Variants in AXDND1 observed in about 807,000 individuals in gnomAD.
AXDND1 encodes axonemal dynein light chain domain-containing protein 1.
In AXDND1, 110 loss-of-function variants were observed where a neutral mutation model predicts 137.5. The ratio of observed to expected loss-of-function variants is 0.80; its 90% CI spans 0.69 to 0.94. The LOEUF is 0.94. Among genes scored for constraint, AXDND1 ranks in the 40% least tolerant of loss-of-function variants. AXDND1 has a pLI of 0.00. For synonymous variants in AXDND1, 414 were observed against 399.7 expected, an observed-to-expected ratio of 1.04 and a Z score of -0.43; for missense variants, 1,191 against 1,169.8, an observed-to-expected ratio of 1.02 and a Z score of -0.26.
intron 17 of AXDND1, among the ~76,000 whole-genome samples, chr1:179,473,490 C>T (rs1664223170): frequency 6.6e-6 from 1 of 152,046 alleles, no homozygotes; most frequent in South Asian, 2.1e-4. Flanking sequence ...AGCAGTGAAA[C>T]TCTGTCTCAA....
At chr1:179,388,972 G>A (rs1649662839) in intron 9 of AXDND1, among the ~76,000 whole-genome samples, 2 of 90,298 alleles carry the variant, frequency 2.2e-5, no homozygotes, top group South Asian at 4.4e-4. Context: ...TTCATTTTTA[G>A]ATTCTTTTTT....
Position 179,407,230 on chromosome 1 carries a change from C to CT in AXDND1, c.1110-3905dup, listed in dbSNP as rs1264397210. On this transcript the variant is annotated intron_variant, in intron 11 of 25. Coordinates refer to ENST00000367618, the MANE Select transcript of AXDND1 (RefSeq NM_144696.6). Reference sequence around the variant, plus strand: ...TTGGCTAGCAGGGTTTTTTTTCTTTCTTTTTTTTTTTGTTTTGAGATGGAG... The same window carrying CT: ...TTGGCTAGCAGGGTTTTTTTTCTTTCTTTTTTTTTTTTGTTTTGAGATGGAG... Among the ~76,000 whole-genome samples the CT allele has an allele frequency of 5.4e-3, 779 of 144,172 alleles. 8 individuals are homozygous for CT. The highest frequency in any genetic ancestry group is 0.017 in the African/African-American group (665 of 39,590). The allele number at this position is 144,172 out of a possible 152,430, so 94.6% of individuals were successfully genotyped here.
chr1:179,448,088 T>G, intron 16 of AXDND1: 2 of 1,033,890 alleles, frequency 1.9e-6, no homozygotes, highest in Non-Finnish European at 3.0e-6. Context: ...TTCTGCATCA[T>G]ATTATCAAAT....
chr1:179,406,462 G>T (rs921992038), intron 11 of AXDND1, among the ~76,000 whole-genome samples: 2 of 151,866 alleles, frequency 1.3e-5, no homozygotes, highest in Non-Finnish European at 2.9e-5. Context: ...GGTTTTGAAG[G>T]CCCCAACCAT....
At chr1:179,428,630 TCA>T (rs1279665705) in intron 12 of AXDND1, among the ~76,000 whole-genome samples, 1 of 152,242 alleles carries the variant, frequency 6.6e-6, no homozygotes, top group African/African-American at 2.4e-5. Context: ...TTTTTCATTC[TCA>T]TTCTTTTATT....
chr1:179,468,532 G>T lies in AXDND1; in HGVS notation c.1888G>T (p.Glu630Ter). ...ENLEFPDTPL[E>*]EWQEIDEKIN... Reference sequence around the variant, plus strand: ...CCTGGAGTTTCCTGATACGCCTCTTGAAGAATGGCAGGAAATAGATGAAAA... The same window carrying T: ...CCTGGAGTTTCCTGATACGCCTCTTTAAGAATGGCAGGAAATAGATGAAAA... Residue 630 changes from glutamate to a stop codon, truncating the protein, a stop_gained, in exon 17 of 26, where the codon GAA (glutamate) becomes TAA (stop). Coordinates refer to ENST00000367618, the MANE Select transcript of AXDND1 (RefSeq NM_144696.6). LOFTEE classifies it high-confidence loss of function. The T allele has an allele frequency of 6.2e-7, 1 of 1,612,840 alleles. No homozygotes were observed. The highest frequency in any genetic ancestry group is 8.5e-7 in the Non-Finnish European group (1 of 1,179,404).
intron 23 of AXDND1, among the ~76,000 whole-genome samples, chr1:179,530,060 C>T (rs530582334): frequency 6.6e-6 from 1 of 152,082 alleles, no homozygotes; most frequent in South Asian, 2.1e-4. Context: ...ACAGAGTCTT[C>T]GCACTGTCAC....
chr1:179,429,021 A>G (rs1421121365), intron 12 of AXDND1, among the ~76,000 whole-genome samples: 1 of 151,930 alleles, frequency 6.6e-6, no homozygotes, highest in Non-Finnish European at 1.5e-5. Flanking sequence ...ACTAAAAATA[A>G]AAAACATTAG....
At chr1:179,428,798 C>A (rs11802862) in intron 12 of AXDND1, among the ~76,000 whole-genome samples, 44,670 of 151,996 alleles carry the variant, frequency 0.29, 6,779 homozygotes, top group Non-Finnish European at 0.31. Flanking sequence ...TAATTTAACA[C>A]AATTTTTAAA....
At chr1:179,449,627 G>A (rs1660247760) in intron 16 of AXDND1, 1 of 152,088 alleles carries the variant, frequency 6.6e-6, no homozygotes, top group Non-Finnish European at 1.5e-5. Context: ...ACAATGTTAA[G>A]TCTTCCAATC....
intron 7 of AXDND1, 58 bp downstream of exon 7, chr1:179,382,814 A>G (rs1392539297): frequency 1.5e-5 from 20 of 1,315,224 alleles, no homozygotes; most frequent in Non-Finnish European, 2.0e-5. Context: ...ATACATACAC[A>G]TTTCTTGGTA....
chr1:179,500,965 C>T (rs1169727270), intron 20 of AXDND1, among the ~76,000 whole-genome samples: 4 of 152,182 alleles, frequency 2.6e-5, no homozygotes, highest in Admixed American at 2.6e-4. Flanking sequence ...AGCCACCATG[C>T]CTGGCTGAAT....
At chr1:179,408,313 TC>T (rs35153134) in intron 11 of AXDND1, among the ~76,000 whole-genome samples, 1 of 152,186 alleles carries the variant, frequency 6.6e-6, no homozygotes, top group African/African-American at 2.4e-5. Context: ...TTTTCATGTT[TC>T]CTATGTTCTT....
intron 7 of AXDND1, among the ~76,000 whole-genome samples, 190 bp from the exon 8 acceptor site, chr1:179,383,251 CA>C (rs1487616402): frequency 1.3e-5 from 2 of 152,062 alleles, no homozygotes; most frequent in African/African-American, 4.8e-5. Flanking sequence ...ATACTATTTG[CA>C]TTTTTCTTCC....
intron 11 of AXDND1, 100 bp downstream of exon 11, chr1:179,395,302 A>G (rs1266674338): frequency 3.4e-6 from 3 of 886,370 alleles, no homozygotes; most frequent in Non-Finnish European, 3.5e-6. Flanking sequence ...CTTGAATTCT[A>G]AAATCACATA....
chr1:179,393,194 A>G (rs1382877781), intron 9 of AXDND1, among the ~76,000 whole-genome samples: 1 of 152,122 alleles, frequency 6.6e-6, no homozygotes, highest in African/African-American at 2.4e-5. Context: ...TGGCTTGCCA[A>G]TTATCCCAGC....
At chr1:179,536,369 A>G (rs894208189) in intron 25 of AXDND1, among the ~76,000 whole-genome samples, 1 of 152,168 alleles carries the variant, frequency 6.6e-6, no homozygotes, top group Non-Finnish European at 1.5e-5. Context: ...TCTTTAATCC[A>G]TCTTGAGTTA....
intron 6 of AXDND1, among the ~76,000 whole-genome samples, chr1:179,380,381 T>A (rs534731366): frequency 2.5e-4 from 38 of 152,370 alleles, no homozygotes; most frequent in African/African-American, 9.1e-4. Flanking sequence ...TTGAATTTTT[T>A]AAAAAATGGA....
At chr1:179,377,645 CA>C (rs1490613970) in intron 4 of AXDND1, among the ~76,000 whole-genome samples, 3 of 152,124 alleles carry the variant, frequency 2.0e-5, no homozygotes, top group African/African-American at 7.2e-5. Flanking sequence ...TAAAGACTCA[CA>C]GAAAAGTTGC....
Sources: gnomAD v4.1 joint callset for allele counts (sites outside exome capture counted in the v4.1 genomes callset) on GRCh38, gnomAD v4.1.1 for gene constraint, MANE v1.5 for transcripts, NCBI Gene and HGNC (gene_info 2026-07-23, HGNC 2026-07-21) for gene names.